NEGR1: variants seen among roughly 807,000 people sequenced by gnomAD.
NEGR1 encodes the protein IgLON family member 4.
Under a neutral mutation model 40.9 loss-of-function variants are expected in NEGR1, and 10 were observed. That is an observed-to-expected ratio of 0.24 (90% CI 0.15 to 0.42). NEGR1 has a LOEUF of 0.42. NEGR1 is among the 10% of genes least tolerant of loss of function. The pLI, the probability that NEGR1 is intolerant of heterozygous loss-of-function variation, is 1.00. For synonymous variants in NEGR1, 185 were observed against 166.8 expected, an observed-to-expected ratio of 1.11 and a Z score of -0.84; for missense variants, 352 against 438.9, an observed-to-expected ratio of 0.80 and a Z score of 1.77.
chr1:71,537,453 C>G (rs1004397319), intron 6 of NEGR1, among the ~76,000 whole-genome samples: 1 of 151,574 alleles, frequency 6.6e-6, no homozygotes, highest in Non-Finnish European at 1.5e-5. Flanking sequence ...TTAAAGGTAC[C>G]TAATAAGTGA....
chr1:71,775,504 C>A (rs1656473092), intron 3 of NEGR1, among the ~76,000 whole-genome samples: 1 of 151,792 alleles, frequency 6.6e-6, no homozygotes, highest in Non-Finnish European at 1.5e-5. Flanking sequence ...CACCACCACA[C>A]CCTTCTAATT....
At chr1:71,728,195 C>T (rs552616183) in intron 3 of NEGR1, among the ~76,000 whole-genome samples, 136 of 152,204 alleles carry the variant, frequency 8.9e-4, no homozygotes, top group African/African-American at 3.1e-3. Flanking sequence ...AGGCAACGAT[C>T]CAAGAGACCA....
At chr1:72,205,279 CTT>C (rs1653351749) in intron 1 of NEGR1, among the ~76,000 whole-genome samples, 1 of 151,882 alleles carries the variant, frequency 6.6e-6, no homozygotes, top group Non-Finnish European at 1.5e-5. Context: ...CAGAGAGTCT[CTT>C]AACTCTATGG....
At chr1:71,509,380 C>A (rs1647058005) in intron 6 of NEGR1, among the ~76,000 whole-genome samples, 1 of 152,198 alleles carries the variant, frequency 6.6e-6, no homozygotes, top group South Asian at 2.1e-4. Context: ...ACTCCTCTTG[C>A]CTCTCTAGGC....
At chr1:71,858,145 C>T (rs1659838911) in intron 2 of NEGR1, among the ~76,000 whole-genome samples, 2 of 152,084 alleles carry the variant, frequency 1.3e-5, no homozygotes, top group South Asian at 4.1e-4. Context: ...AACACAAACA[C>T]ATTTTTGACT....
chr1:71,464,424 T>A (rs1027424983), intron 6 of NEGR1, among the ~76,000 whole-genome samples: 1 of 152,086 alleles, frequency 6.6e-6, no homozygotes, highest in Non-Finnish European at 1.5e-5. Flanking sequence ...ATGACAGTTA[T>A]GAGAAAGATA....
chr1:71,658,294 T>C (rs1282013300), intron 4 of NEGR1, among the ~76,000 whole-genome samples: 1 of 152,250 alleles, frequency 6.6e-6, no homozygotes, highest in African/African-American at 2.4e-5. Flanking sequence ...GAAAAATTGA[T>C]GTATGATTAT....
At chr1:72,041,811 A>T (rs1646957140) in intron 1 of NEGR1, among the ~76,000 whole-genome samples, 1 of 146,932 alleles carries the variant, frequency 6.8e-6, no homozygotes, top group African/African-American at 2.5e-5. Flanking sequence ...TATATATGTA[A>T]TATTTAAAAT....
intron 1 of NEGR1, among the ~76,000 whole-genome samples, chr1:72,137,565 G>A (rs1650516600): frequency 2.0e-5 from 3 of 149,316 alleles, no homozygotes; most frequent in Non-Finnish European, 4.5e-5. Flanking sequence ...TGTACACAGG[G>A]AGGGGAACAT....
rs1646221168 is a variant in NEGR1 at position 71,397,690 on chromosome 1, T to C, written c.*9756A>G. On this transcript the variant is annotated 3_prime_UTR_variant, in exon 7 of 7. Coordinates refer to ENST00000357731, the MANE Select transcript of NEGR1 (RefSeq NM_173808.3). ...AAAAATTTACAGACTGAAAATGTGA[T>C]AGAAAAGAAAATCCCATTTCCTGAG... The C allele has an allele frequency of 6.6e-6, 1 of 152,112 alleles. No homozygotes were observed. The highest frequency in any genetic ancestry group is 2.4e-5 in the African/African-American group (1 of 41,402). 9.4% of individuals were successfully genotyped at this position (152,112 alleles called of 1,614,324 possible).
At chr1:72,020,007 G>A (rs1029178967) in intron 1 of NEGR1, among the ~76,000 whole-genome samples, 1 of 152,202 alleles carries the variant, frequency 6.6e-6, no homozygotes, top group Non-Finnish European at 1.5e-5. Context: ...TGAGGAAACT[G>A]AGGGCCTACG....
chr1:71,642,003 T>A (rs999626885), intron 4 of NEGR1, among the ~76,000 whole-genome samples: 3 of 151,992 alleles, frequency 2.0e-5, no homozygotes, highest in Non-Finnish European at 2.9e-5. Context: ...GGTGAGTTAG[T>A]GCATTTACCT....
chr1:71,770,459 A>AAG (rs1656277683), intron 3 of NEGR1, among the ~76,000 whole-genome samples: 1 of 152,240 alleles, frequency 6.6e-6, no homozygotes, highest in Non-Finnish European at 1.5e-5. Flanking sequence ...ACTATAAAGC[A>AAG]GTTAAGTAAA....
chr1:72,069,361 C>T (rs1647366202), intron 1 of NEGR1, among the ~76,000 whole-genome samples: 3 of 151,918 alleles, frequency 2.0e-5, no homozygotes, highest in Admixed American at 2.0e-4. Flanking sequence ...GGAGGATCAC[C>T]TGAGCCCAGA....
intron 1 of NEGR1, among the ~76,000 whole-genome samples, chr1:72,016,688 T>C (rs1387099890): frequency 6.6e-6 from 1 of 152,128 alleles, no homozygotes; most frequent in Non-Finnish European, 1.5e-5. Context: ...AAAACCTACA[T>C]TCCAAAAACT....
At chr1:71,477,629 G>A (rs1646829816) in intron 6 of NEGR1, among the ~76,000 whole-genome samples, 1 of 152,074 alleles carries the variant, frequency 6.6e-6, no homozygotes, top group Non-Finnish European at 1.5e-5. Context: ...GTGTCCAGTT[G>A]CTTTAGTTTA....
intron 1 of NEGR1, among the ~76,000 whole-genome samples, chr1:72,040,577 CAAAAAAAAAAAAAAAAAAA>C (rs5775102): frequency 3.4e-5 from 1 of 29,684 alleles, no homozygotes; most frequent in Non-Finnish European, 5.9e-5. Context: ...GAGCACTGAC[CAAAAAAAAAAAAAAAAAAA>C]AAAAAAAAAA....
intron 6 of NEGR1, among the ~76,000 whole-genome samples, chr1:71,438,010 A>AT (rs1646520805): frequency 6.6e-6 from 1 of 152,188 alleles, no homozygotes; most frequent in African/African-American, 2.4e-5. Flanking sequence ...ATGGTTTGCT[A>AT]GATATTGTTC....
At chr1:71,906,002 G>A (rs1231905188) in intron 2 of NEGR1, among the ~76,000 whole-genome samples, 3 of 152,008 alleles carry the variant, frequency 2.0e-5, no homozygotes, top group Non-Finnish European at 2.9e-5. Context: ...TCTAATTAGG[G>A]ACTTTCCACC....
Sources: allele counts gnomAD v4.1 joint callset (sites outside exome capture counted in the v4.1 genomes callset), GRCh38; gene constraint gnomAD v4.1.1; transcripts MANE v1.5; gene names NCBI Gene and HGNC (gene_info 2026-07-23, HGNC 2026-07-21).